The following ZBTB20 variants were observed in gnomAD, a reference collection of about 807,000 sequenced individuals.
The protein encoded by ZBTB20 is zinc finger and BTB domain containing 20.
ZBTB20 carries 9 observed loss-of-function variants against 56.9 expected under a neutral mutation model. That is an observed-to-expected ratio of 0.16 (90% CI 0.10 to 0.28). ZBTB20 has a LOEUF of 0.28. Among genes scored for constraint, ZBTB20 ranks in the 10% least tolerant of loss-of-function variants. The probability of loss-of-function intolerance (pLI) is 1.00; values close to 1 mark genes in which losing one functional copy is unlikely to be tolerated. For missense variants in ZBTB20, 655 were observed against 1,003.0 expected (o/e 0.65, Z 4.69); for synonymous variants, 417 against 420.7 (o/e 0.99, Z 0.11).
At chr3:114,501,718 T>A (rs998611811) in intron 6 of ZBTB20, among the ~76,000 whole-genome samples, 1 of 145,286 alleles carries the variant, frequency 6.9e-6, no homozygotes, top group African/African-American at 2.5e-5. Flanking sequence ...TTCTTTTTTT[T>A]TTTTTTTTGA....
chr3:114,926,463 A>C (rs912410879), intron 3 of ZBTB20, among the ~76,000 whole-genome samples: 1 of 151,944 alleles, frequency 6.6e-6, no homozygotes, highest in Non-Finnish European at 1.5e-5. Context: ...AAGAAGCAAA[A>C]CTCTTGTATT....
intron 7 of ZBTB20, among the ~76,000 whole-genome samples, chr3:114,489,427 T>C (rs2036359533): frequency 6.6e-6 from 1 of 152,168 alleles, no homozygotes; most frequent in Non-Finnish European, 1.5e-5. Context: ...ATCTAGGGCA[T>C]GGTTAGGTAA....
In ZBTB20 at chr3:114,380,846, G is replaced by A; in HGVS notation, c.-59C>T. On this transcript the variant is annotated 5_prime_UTR_variant, in exon 9 of 12. Coordinates refer to ENST00000675478, the MANE Select transcript of ZBTB20 (RefSeq NM_001348800.3). The stretch of plus-strand genomic sequence containing the variant: ...TAATGGGAGGAGCACTGGACTGGGA[G>A]TCAGGAGACTTGAGCTACCGTACTA... 2 of 1,432,738 alleles carry A rather than the reference G, an allele frequency of 1.4e-6. No homozygotes were observed. The highest frequency in any genetic ancestry group is 1.8e-6 in the Non-Finnish European group (2 of 1,096,182). The allele number at this position is 1,432,738 out of a possible 1,614,324, so 88.8% of individuals were successfully genotyped here. A position where few individuals can be genotyped will look rare whatever the true frequency, so the allele number is the denominator to read the frequency against.
intron 10 of ZBTB20, among the ~76,000 whole-genome samples, chr3:114,357,415 T>C (rs957560074): frequency 6.6e-6 from 1 of 152,228 alleles, no homozygotes; most frequent in African/African-American, 2.4e-5. Flanking sequence ...TAAAAATTAC[T>C]AACTTGTTTA....
intron 6 of ZBTB20, among the ~76,000 whole-genome samples, chr3:114,600,195 T>A (rs2056651808): frequency 6.6e-6 from 1 of 152,052 alleles, no homozygotes; most frequent in Non-Finnish European, 1.5e-5. Context: ...GCTTAACTTC[T>A]GTTGTCAAAT....
chr3:114,402,461 G>A (rs748418257), intron 7 of ZBTB20, among the ~76,000 whole-genome samples: 19 of 152,118 alleles, frequency 1.2e-4, no homozygotes, highest in Non-Finnish European at 2.4e-4. Context: ...AAATCTGGCT[G>A]GATTTGATAA....
intron 5 of ZBTB20, among the ~76,000 whole-genome samples, chr3:114,711,194 A>AT (rs60034496): frequency 3.0e-4 from 45 of 151,632 alleles, no homozygotes; most frequent in South Asian, 1.5e-3. Context: ...ATTTAAAATG[A>AT]TTTTTTTTTG....
rs1176584406 is a variant in ZBTB20 at position 114,748,332 on chromosome 3, TTC to T, written c.-343+52767_-343+52768del. Among the ~76,000 whole-genome samples, 832 of 112,334 alleles carry T rather than the reference TTC, an allele frequency of 7.4e-3. 6 individuals are homozygous for T. The highest frequency in any genetic ancestry group is 9.5e-3 in the African/African-American group (252 of 26,616). The allele number at this position is 112,334 out of a possible 152,430, so 73.7% of individuals were successfully genotyped here. A position where few individuals can be genotyped will look rare whatever the true frequency, so the allele number is the denominator to read the frequency against. On this transcript the variant is annotated intron_variant, in intron 5 of 11. Transcript: ENST00000675478. ...TTTCTTTCTTTCTTTCTTTCTTTCT[TTC>T]TTCTTTCTTTCTTTCTTTTCTCTCT...
chr3:115,099,480 G>GTTT (rs2083498883), intron 1 of ZBTB20, among the ~76,000 whole-genome samples: 1 of 152,142 alleles, frequency 6.6e-6, no homozygotes, highest in Non-Finnish European at 1.5e-5. Flanking sequence ...TTAGAAAACA[G>GTTT]AATACCTTAT....
chr3:115,011,200 G>A (rs1009989969), intron 2 of ZBTB20, among the ~76,000 whole-genome samples: 1 of 151,878 alleles, frequency 6.6e-6, no homozygotes, highest in Non-Finnish European at 1.5e-5. Context: ...TGGCCTTAAA[G>A]AGGAGGAAGA....
intron 5 of ZBTB20, among the ~76,000 whole-genome samples, chr3:114,738,971 T>A (rs2066382990): frequency 6.6e-6 from 1 of 152,170 alleles, no homozygotes; most frequent in Non-Finnish European, 1.5e-5. Context: ...AAATTCACAG[T>A]TTGATCTCAA....
chr3:115,133,446 G>T (rs550060265), intron 1 of ZBTB20, among the ~76,000 whole-genome samples: 5 of 151,860 alleles, frequency 3.3e-5, no homozygotes, highest in African/African-American at 1.2e-4. Context: ...AGTGACATTC[G>T]CAAGGTTGTA....
At chr3:114,584,598 G>A (rs943785142) in intron 6 of ZBTB20, among the ~76,000 whole-genome samples, 2 of 151,930 alleles carry the variant, frequency 1.3e-5, no homozygotes, top group Non-Finnish European at 2.9e-5. Flanking sequence ...ACAAAGCTAA[G>A]GTATAGATTA....
intron 1 of ZBTB20, among the ~76,000 whole-genome samples, chr3:115,105,214 T>G (rs2083687126): frequency 6.8e-6 from 1 of 147,342 alleles, no homozygotes; most frequent in Non-Finnish European, 1.5e-5. Flanking sequence ...AGCCAATGCT[T>G]AAGTGCTTAC....
At chr3:115,083,887 C>T (rs1407461998) in intron 1 of ZBTB20, among the ~76,000 whole-genome samples, 2 of 151,864 alleles carry the variant, frequency 1.3e-5, no homozygotes, top group Non-Finnish European at 2.9e-5. Flanking sequence ...AAATATATGA[C>T]ATTGGTATTA....
chr3:114,473,282 G>A (rs776106813), intron 7 of ZBTB20, among the ~76,000 whole-genome samples: 12 of 152,108 alleles, frequency 7.9e-5, no homozygotes, highest in Non-Finnish European at 1.5e-4. Flanking sequence ...AAATTATTGT[G>A]TCTTTCAAAT....
intron 6 of ZBTB20, among the ~76,000 whole-genome samples, chr3:114,592,214 T>G (rs934508764): frequency 3.3e-5 from 5 of 152,168 alleles, no homozygotes; most frequent in South Asian, 2.1e-4. Flanking sequence ...GGTTAGAATT[T>G]TTTATTTTTT....
At chr3:115,135,158 G>A (rs77896508) in intron 1 of ZBTB20, among the ~76,000 whole-genome samples, 1 of 152,172 alleles carries the variant, frequency 6.6e-6, no homozygotes, top group African/African-American at 2.4e-5. Context: ...CCCAACAGAA[G>A]GCAGAAGTTT....
chr3:114,967,818 G>A (rs766706738), intron 3 of ZBTB20, among the ~76,000 whole-genome samples: 32 of 151,934 alleles, frequency 2.1e-4, no homozygotes, highest in South Asian at 2.1e-4. Context: ...TTAGCCAGGC[G>A]TGGTGGCGGG....
Sources: allele counts gnomAD v4.1 joint callset (sites outside exome capture counted in the v4.1 genomes callset), GRCh38; gene constraint gnomAD v4.1.1; transcripts MANE v1.5; gene names NCBI Gene and HGNC (gene_info 2026-07-23, HGNC 2026-07-21).